CFAP61: variants seen among roughly 807,000 people sequenced by gnomAD.
The protein encoded by CFAP61 is cilia- and flagella-associated protein 61.
Under a neutral mutation model 135.6 loss-of-function variants are expected in CFAP61, and 107 were observed. The observed-to-expected ratio is 0.79, with a 90% CI of 0.67 to 0.93. The LOEUF is 0.93. CFAP61 is among the 40% of genes least tolerant of loss of function. CFAP61 has a pLI of 0.00. For synonymous variants in CFAP61, 575 were observed against 578.5 expected (o/e 0.99, Z 0.09); for missense variants, 1,507 against 1,556.2 (o/e 0.97, Z 0.53).
chr20:20,101,776 C>T (rs1242270259), intron 8 of CFAP61, among the ~76,000 whole-genome samples: 2 of 152,110 alleles, frequency 1.3e-5, no homozygotes, highest in Admixed American at 1.3e-4. Flanking sequence ...CATGTGTGTG[C>T]CACCACACCC....
At chr20:20,067,728 ATAT>A (rs977390636) in intron 2 of CFAP61, among the ~76,000 whole-genome samples, 11 of 144,934 alleles carry the variant, frequency 7.6e-5, no homozygotes, top group Admixed American at 2.8e-4. Context: ...ATATATATTC[ATAT>A]TATTTTATAT....
At chr20:20,091,060 C>A in intron 7 of CFAP61, 84 bp downstream of exon 7, 1 of 1,491,618 alleles carries the variant, frequency 6.7e-7, no homozygotes. Flanking sequence ...GCTGGGCACC[C>A]CTGGAGCTGC....
intron 11 of CFAP61, among the ~76,000 whole-genome samples, chr20:20,165,570 A>G (rs1343340375): frequency 6.6e-6 from 1 of 151,424 alleles, no homozygotes; most frequent in Non-Finnish European, 1.5e-5. Flanking sequence ...TGGTCTGGAC[A>G]CTGGACGCTG....
In CFAP61 at chr20:20,327,702, A is replaced by G. The variant is rs2057801746; in HGVS notation, c.3423-14129A>G. Among the ~76,000 whole-genome samples, 3 of 145,714 alleles carry G rather than the reference A, an allele frequency of 2.1e-5. No individual in the cohort carries two copies. The Admixed American group carries it at 2.1e-4, about 10-fold the overall frequency. On this transcript the variant is annotated intron_variant, in intron 25 of 26. Coordinates refer to ENST00000245957, the MANE Select transcript of CFAP61 (RefSeq NM_015585.4). The stretch of plus-strand genomic sequence containing the variant: ...TCCCCAAGAGGAAGTGGAGCTATCT[A>G]CCCAATCCTAGAGAAGGTGATTTCC...
At chr20:20,198,514 G>T (rs1165391234) in intron 16 of CFAP61, among the ~76,000 whole-genome samples, 1 of 152,138 alleles carries the variant, frequency 6.6e-6, no homozygotes, top group African/African-American at 2.4e-5. Context: ...CCTTCCAGTT[G>T]ATTTCACATA....
At chr20:20,223,379 AGCTAAT>A (rs777768641) in intron 17 of CFAP61, among the ~76,000 whole-genome samples, 1 of 152,200 alleles carries the variant, frequency 6.6e-6, no homozygotes, top group Non-Finnish European at 1.5e-5. Flanking sequence ...CTTGCCACCA[AGCTAAT>A]GACACCCAGG....
At chr20:20,211,030 G>A (rs934143556) in intron 17 of CFAP61, among the ~76,000 whole-genome samples, 2 of 152,156 alleles carry the variant, frequency 1.3e-5, no homozygotes, top group African/African-American at 4.8e-5. Flanking sequence ...AAAAACAACC[G>A]AGAACCTAGA....
intron 8 of CFAP61, among the ~76,000 whole-genome samples, chr20:20,138,495 T>A (rs894687106): frequency 6.6e-6 from 1 of 150,858 alleles, no homozygotes; most frequent in Non-Finnish European, 1.5e-5. Flanking sequence ...AGCACTGCAT[T>A]CCATTGCAAA....
At chr20:20,148,131 A>G (rs1032727204) in intron 9 of CFAP61, among the ~76,000 whole-genome samples, 5 of 152,136 alleles carry the variant, frequency 3.3e-5, no homozygotes, top group African/African-American at 9.7e-5. Flanking sequence ...TTATACCAGT[A>G]TTATGCTGCT....
intron 9 of CFAP61, among the ~76,000 whole-genome samples, chr20:20,151,529 TATA>T (rs1287491729): frequency 6.6e-6 from 1 of 151,888 alleles, no homozygotes; most frequent in East Asian, 1.9e-4. Context: ...GACATCCAAA[TATA>T]AGAAGCTCAA....
intron 25 of CFAP61, chr20:20,316,997 T>C (rs67110902): frequency 0.5 from 74,484 of 149,444 alleles, 18,889 homozygotes; most frequent in African/African-American, 0.58. Flanking sequence ...ATGCCTCAGC[T>C]TCCCGAGTAG....
At chr20:20,112,160 T>C (rs1449273207) in intron 8 of CFAP61, among the ~76,000 whole-genome samples, 6 of 152,018 alleles carry the variant, frequency 3.9e-5, no homozygotes, top group Non-Finnish European at 2.9e-5. Context: ...AATAGCAAAA[T>C]TGATGAGGAA....
chr20:20,105,318 C>T (rs2048306105), intron 8 of CFAP61, among the ~76,000 whole-genome samples: 1 of 152,150 alleles, frequency 6.6e-6, no homozygotes, highest in Non-Finnish European at 1.5e-5. Flanking sequence ...GTCACCTCCA[C>T]TTCCCAGGAG....
At chr20:20,054,736 T>A (rs947369137) in intron 1 of CFAP61, among the ~76,000 whole-genome samples, 10 of 152,254 alleles carry the variant, frequency 6.6e-5, no homozygotes, top group Non-Finnish European at 1.2e-4. Flanking sequence ...ATGTTGCTCA[T>A]GAGAAATATT....
Position 20,052,556 on chromosome 20 carries a change from G to T in CFAP61, c.-72G>T. ...CAGGCTGCGCGTCCTCCTTGCGGCA[G>T]CGCGTGGAGTGCGGCGTCCTGGAGC... On this transcript the variant is annotated 5_prime_UTR_variant, in exon 1 of 27. Coordinates refer to ENST00000245957, the MANE Select transcript of CFAP61 (RefSeq NM_015585.4). The T allele has an allele frequency of 6.2e-7, 1 of 1,614,156 alleles. No homozygotes were observed. The highest frequency in any genetic ancestry group is 8.5e-7 in the Non-Finnish European group (1 of 1,180,014).
intron 8 of CFAP61, among the ~76,000 whole-genome samples, chr20:20,140,599 C>G (rs1417502992): frequency 2.6e-5 from 4 of 152,144 alleles, no homozygotes; most frequent in African/African-American, 9.7e-5. Flanking sequence ...AATATGAACA[C>G]TTTTACACTG....
intron 25 of CFAP61, among the ~76,000 whole-genome samples, chr20:20,339,335 C>G (rs2058352030): frequency 6.6e-6 from 1 of 152,142 alleles, no homozygotes; most frequent in Admixed American, 6.5e-5. Context: ...TACCTGGCGG[C>G]CAAAAATGCA....
At chr20:20,281,272 C>T (rs1466620957) in intron 22 of CFAP61, among the ~76,000 whole-genome samples, 1 of 151,572 alleles carries the variant, frequency 6.6e-6, no homozygotes, top group Non-Finnish European at 1.5e-5. Flanking sequence ...CTAGGACCTA[C>T]AGTGCAATGT....
chr20:20,350,544 G>A (rs191321466), intron 26 of CFAP61, among the ~76,000 whole-genome samples: 36 of 152,216 alleles, frequency 2.4e-4, no homozygotes, highest in South Asian at 1.9e-3. Flanking sequence ...CAGGAGAATC[G>A]CTTGAACCCA....
Sources: allele counts gnomAD v4.1 joint callset (sites outside exome capture counted in the v4.1 genomes callset), GRCh38; gene constraint gnomAD v4.1.1; transcripts MANE v1.5; gene names NCBI Gene and HGNC (gene_info 2026-07-23, HGNC 2026-07-21).